Variants in FLACC1 observed in about 807,000 individuals in gnomAD.
FLACC1 encodes flagellum-associated coiled-coil domain-containing protein 1.
A neutral mutation model predicts 62.8 loss-of-function variants in FLACC1; 66 were observed. That is an observed-to-expected ratio of 1.05 (90% CI 0.86 to 1.29). FLACC1 has a LOEUF of 1.29. Among genes scored for constraint, FLACC1 ranks in the 50% most tolerant of loss-of-function variants. FLACC1 has a pLI of 0.00. For missense variants in FLACC1, 452 were observed against 489.1 expected, an observed-to-expected ratio of 0.92 and a Z score of 0.71; for synonymous variants, 156 against 161.0, an observed-to-expected ratio of 0.97 and a Z score of 0.24.
intron 1 of FLACC1, among the ~76,000 whole-genome samples, chr2:201,353,523 T>A (rs1951066100): frequency 6.6e-6 from 1 of 152,224 alleles, no homozygotes; most frequent in Non-Finnish European, 1.5e-5. Context: ...GACTTTTCCT[T>A]AATGAATTTT....
In FLACC1 at chr2:201,291,502, T is replaced by C. The variant is rs12328611; in HGVS notation, c.943-1717A>G. On this transcript the variant is annotated intron_variant, in intron 12 of 14. Transcript: ENST00000392257. ...AAGGAAAACTAACAAACAGAAAGGA[T>C]ATCCACACCAAAACCCCATCTGTAC... 9.6e-3 allele frequency among the ~76,000 whole-genome samples: 1,460 copies of C among 152,162 alleles called. 31 individuals are homozygous for C. The highest frequency in any genetic ancestry group is 0.034 in the African/African-American group (1,400 of 41,524).
chr2:201,300,228 T>C (rs534280201), intron 11 of FLACC1, among the ~76,000 whole-genome samples: 1 of 152,304 alleles, frequency 6.6e-6, no homozygotes, highest in South Asian at 2.1e-4. Context: ...CCCACCCTAA[T>C]ACTGTGCTTT....
chr2:201,316,078 G>T (rs1459310910), intron 9 of FLACC1, among the ~76,000 whole-genome samples: 1 of 151,966 alleles, frequency 6.6e-6, no homozygotes, highest in Non-Finnish European at 1.5e-5. Flanking sequence ...AAAGCTAAAA[G>T]CCCTAAACAC....
intron 12 of FLACC1, among the ~76,000 whole-genome samples, chr2:201,295,228 A>G (rs1456246336): frequency 1.3e-5 from 2 of 152,218 alleles, no homozygotes; most frequent in African/African-American, 4.8e-5. Context: ...CAAAGAACAA[A>G]GCTGGAGGCA....
chr2:201,355,377 T>C (rs558764778), intron 1 of FLACC1, among the ~76,000 whole-genome samples: 2 of 152,298 alleles, frequency 1.3e-5, no homozygotes, highest in African/African-American at 2.4e-5. Context: ...ATTACCATAT[T>C]ATAAATAACA....
At chr2:201,333,518 A>G (rs1044175813) in intron 7 of FLACC1, among the ~76,000 whole-genome samples, 1 of 151,722 alleles carries the variant, frequency 6.6e-6, no homozygotes, top group Non-Finnish European at 1.5e-5. Context: ...CTCGTCATTT[A>G]GCATTAGGTA....
At chr2:201,289,674 C>G (rs6715284) in intron 13 of FLACC1, 22 bp downstream of exon 13, 179,821 of 1,611,832 alleles carry the variant, frequency 0.11, 14,226 homozygotes, top group African/African-American at 0.39. Flanking sequence ...CAACCCCCAT[C>G]CCCACTCCAG....
At chr2:201,339,007 A>G (rs1329227640) in intron 7 of FLACC1, among the ~76,000 whole-genome samples, 1 of 151,076 alleles carries the variant, frequency 6.6e-6, no homozygotes, top group Non-Finnish European at 1.5e-5. Flanking sequence ...TCTCCTTTAT[A>G]TGTTTGGTAG....
intron 12 of FLACC1, among the ~76,000 whole-genome samples, chr2:201,290,750 T>C (rs1469113032): frequency 6.6e-6 from 1 of 152,098 alleles, no homozygotes; most frequent in Non-Finnish European, 1.5e-5. Context: ...ATCCGGGAAG[T>C]GCAAGGGGTC....
At chr2:201,332,979 T>C (rs1322107614) in intron 7 of FLACC1, among the ~76,000 whole-genome samples, 3 of 152,224 alleles carry the variant, frequency 2.0e-5, no homozygotes, top group African/African-American at 7.2e-5. Context: ...CTTAAGTTGA[T>C]TCCATAACTT....
chr2:201,325,244 C>T (rs1321710801), intron 9 of FLACC1, among the ~76,000 whole-genome samples: 1 of 152,030 alleles, frequency 6.6e-6, no homozygotes, highest in Non-Finnish European at 1.5e-5. Flanking sequence ...TTGACAATGT[C>T]ACACTGCAAG....
rs1950507152 is a variant in FLACC1, at chr2:201,326,756, G to T, written c.675+3714C>A. 6.6e-6 allele frequency among the ~76,000 whole-genome samples: 1 copy of T among 151,932 alleles called. No homozygotes were observed. Among genetic ancestry groups the T allele is most frequent in the African/African-American group, 2.4e-5 (1 of 41,388 alleles). ...TGACCATACTGCCCAAAGTAATCTT[G>T]CATTACAGATCCAGTGCAATTCCCA... is the stretch of plus-strand genomic sequence containing the variant. On this transcript the variant is annotated intron_variant, in intron 9 of 14. Coordinates refer to ENST00000392257, the MANE Select transcript of FLACC1 (RefSeq NM_001127391.3). This position sits in a 1 kb window ranked among gnomAD's most constrained non-coding sequence, Gnocchi z 4.1.
intron 3 of FLACC1, among the ~76,000 whole-genome samples, chr2:201,348,897 A>T (rs935677654): frequency 5.3e-5 from 8 of 151,908 alleles, no homozygotes; most frequent in African/African-American, 1.9e-4. Context: ...CATCACTCCA[A>T]CCTCTGCTTC....
intron 9 of FLACC1, among the ~76,000 whole-genome samples, chr2:201,323,692 C>T (rs1266827019): frequency 6.7e-6 from 1 of 148,964 alleles, no homozygotes; most frequent in African/African-American, 2.5e-5. Context: ...GAGGCTGAGG[C>T]ATGAGAATCT....
intron 9 of FLACC1, among the ~76,000 whole-genome samples, chr2:201,318,860 G>A (rs926426233): frequency 1.3e-5 from 2 of 152,112 alleles, no homozygotes; most frequent in African/African-American, 4.8e-5. Flanking sequence ...ACCAAACATC[G>A]TATGTTCTCA....
At chr2:201,303,119 C>CA (rs1040274562) in intron 11 of FLACC1, among the ~76,000 whole-genome samples, 4 of 151,336 alleles carry the variant, frequency 2.6e-5, no homozygotes, top group African/African-American at 9.7e-5. Flanking sequence ...AAAAACCCTT[C>CA]AAAAAATCAA....
chr2:201,345,482 G>A (rs1950894154), intron 5 of FLACC1, among the ~76,000 whole-genome samples: 1 of 146,606 alleles, frequency 6.8e-6, no homozygotes, highest in Admixed American at 6.7e-5. Context: ...GTGTGTGTGT[G>A]TGTATGTGTG....
At chr2:201,339,245 C>T (rs1222129569) in intron 7 of FLACC1, among the ~76,000 whole-genome samples, 2 of 151,978 alleles carry the variant, frequency 1.3e-5, no homozygotes, top group African/African-American at 4.8e-5. Context: ...TCTTGTATTT[C>T]TGTGGCAACA....
At chr2:201,288,934 T>A (rs1227345318) in intron 14 of FLACC1, among the ~76,000 whole-genome samples, 153 bp from the exon 15 acceptor site, 2 of 152,198 alleles carry the variant, frequency 1.3e-5, no homozygotes, top group Admixed American at 6.5e-5. Context: ...TAGTGAGGTA[T>A]GGTGTTCAGG....
Sources: allele counts gnomAD v4.1 joint callset (sites outside exome capture counted in the v4.1 genomes callset), GRCh38; gene constraint gnomAD v4.1.1; non-coding constraint Gnocchi (gnomAD v3.1); transcripts MANE v1.5; gene names NCBI Gene and HGNC (gene_info 2026-07-23, HGNC 2026-07-21).